Variants in SIMC1 observed in about 807,000 individuals in gnomAD.
The protein encoded by SIMC1 is SUMO-interacting motif-containing protein 1.
A neutral mutation model predicts 82.3 loss-of-function variants in SIMC1; 55 were observed. The ratio of observed to expected loss-of-function variants is 0.67; its 90% CI spans 0.54 to 0.84. The LOEUF is 0.84. SIMC1 is among the 40% of genes least tolerant of loss of function. SIMC1 has a pLI of 0.00. For missense variants in SIMC1, 915 were observed against 1,107.2 expected (o/e 0.83, Z 2.46); for synonymous variants, 353 against 426.3 (o/e 0.83, Z 2.12).
chr5:176,258,740 T>C (rs1297052566), intron 1 of SIMC1, among the ~76,000 whole-genome samples: 1 of 149,272 alleles, frequency 6.7e-6, no homozygotes, highest in Non-Finnish European at 1.5e-5. Context: ...ATCTACATTT[T>C]GAATTTAATA....
chr5:176,289,586 CTT>C (rs1340644859), intron 1 of SIMC1, 66 bp from the exon 2 acceptor site: 14 of 1,268,140 alleles, frequency 1.1e-5, no homozygotes, highest in Non-Finnish European at 1.4e-5. Flanking sequence ...AAAGCTAAGA[CTT>C]AAGTCATCTC....
chr5:176,325,476 G>A (rs1237992678), intron 7 of SIMC1, among the ~76,000 whole-genome samples: 1 of 151,992 alleles, frequency 6.6e-6, no homozygotes, highest in African/African-American at 2.4e-5. Flanking sequence ...ACGAGGTCAG[G>A]AGATCGAGAC....
intron 7 of SIMC1, 76 bp downstream of exon 7, chr5:176,324,833 A>C: frequency 6.8e-7 from 1 of 1,464,738 alleles, no homozygotes; most frequent in Non-Finnish European, 9.1e-7. Context: ...CATTTTTATT[A>C]AATTAACTTT....
chr5:176,343,626 G>GTA (rs1181634255), intron 9 of SIMC1, among the ~76,000 whole-genome samples: 2 of 152,122 alleles, frequency 1.3e-5, no homozygotes, highest in African/African-American at 4.8e-5. Flanking sequence ...ATTGATCCAT[G>GTA]TATATACCAT....
intron 9 of SIMC1, among the ~76,000 whole-genome samples, chr5:176,339,764 T>C (rs1055196064): frequency 3.3e-5 from 5 of 152,230 alleles, no homozygotes; most frequent in African/African-American, 1.2e-4. Context: ...AGTGCTGTTT[T>C]ATCCTTAAAT....
intron 4 of SIMC1, among the ~76,000 whole-genome samples, chr5:176,305,144 G>A (rs1764259164): frequency 7.8e-6 from 1 of 127,840 alleles, no homozygotes; most frequent in African/African-American, 2.7e-5. Flanking sequence ...GGAGGGGGGG[G>A]GGGTCAGCCC....
Position 176,294,722 on chromosome 5 carries a change from G to C in SIMC1, c.1432-308G>C, listed in dbSNP as rs577281911. 1.3e-4 allele frequency among the ~76,000 whole-genome samples: 19 copies of C among 151,798 alleles called. No homozygotes were observed. In the East Asian group the frequency reaches 3.7e-3, roughly 29 times the overall value. On this transcript the variant is annotated intron_variant, in intron 2 of 9. Coordinates refer to ENST00000429602, the MANE Select transcript of SIMC1 (RefSeq NM_001308195.2). ...TCACACCTGTAATCCCAGCACTTTG[G>C]GAGGCTGAGACAGGCAAATCACGAG...
rs118105187 is a variant in SIMC1, at chr5:176,313,126, C to T, written c.1735-565C>T. On this transcript the variant is annotated intron_variant, in intron 4 of 9. Transcript: ENST00000429602. ...AATACCCAACTCAGGCTTGGCCCAACAGTCAAGTTGAGCCAAGCCAACAGA... is the reference window on the plus strand; with the variant it reads ...AATACCCAACTCAGGCTTGGCCCAATAGTCAAGTTGAGCCAAGCCAACAGA... 2.1e-5 allele frequency: 6 copies of T among 287,378 alleles called. No homozygotes were observed. In the East Asian group the frequency reaches 4.3e-4, roughly 21 times the overall value. The allele number at this position is 287,378 out of a possible 1,614,324, so 17.8% of individuals were successfully genotyped here. A position where few individuals can be genotyped will look rare whatever the true frequency, so the allele number is the denominator to read the frequency against.
intron 5 of SIMC1, among the ~76,000 whole-genome samples, chr5:176,317,094 C>G (rs905258919): frequency 1.3e-5 from 2 of 152,082 alleles, no homozygotes; most frequent in African/African-American, 4.8e-5. Context: ...TCATTTGTTT[C>G]AGTTGGCAGG....
intron 1 of SIMC1, among the ~76,000 whole-genome samples, chr5:176,288,938 G>A (rs1324498373): frequency 6.6e-6 from 1 of 152,178 alleles, no homozygotes; most frequent in East Asian, 1.9e-4. Context: ...GAATGGAAGT[G>A]GAGATCGGAA....
In SIMC1 at chr5:176,290,250, CCCA is replaced by C. The variant is rs1561698107; in HGVS notation, c.731_733del (p.Pro244del). 2.5e-6 allele frequency: 4 copies of C among 1,613,122 alleles called. No individual in the cohort carries two copies. Among genetic ancestry groups the C allele is most frequent in the Non-Finnish European group, 3.4e-6 (4 of 1,179,284 alleles). Reference sequence around the variant, plus strand: ...CATGTCCACCACGAGCCTCCTCATGCCCACCACGAGCCTTGTCATGCCCATCAC... The same window carrying C: ...CATGTCCACCACGAGCCTCCTCATGCCCACGAGCCTTGTCATGCCCATCAC... On this transcript the variant is annotated inframe_deletion, in exon 2 of 10. Transcript: ENST00000429602.
chr5:176,249,567 A>G (rs527916920), intron 1 of SIMC1, among the ~76,000 whole-genome samples: 147 of 152,010 alleles, frequency 9.7e-4, no homozygotes, highest in African/African-American at 3.3e-3. Flanking sequence ...CTGGCCAGAC[A>G]TGGTGGCTCA....
chr5:176,284,432 C>G (rs1230200700), intron 1 of SIMC1, among the ~76,000 whole-genome samples: 1 of 151,816 alleles, frequency 6.6e-6, no homozygotes, highest in Non-Finnish European at 1.5e-5. Context: ...TACTGGGGTA[C>G]ATAATGAAAT....
chr5:176,317,642 T>C (rs1214608628), intron 5 of SIMC1, among the ~76,000 whole-genome samples: 2 of 152,216 alleles, frequency 1.3e-5, no homozygotes, highest in African/African-American at 4.8e-5. Flanking sequence ...GTGTTCAGTG[T>C]TTCTATTACT....
At chr5:176,303,941 A>G (rs923473720) in intron 4 of SIMC1, among the ~76,000 whole-genome samples, 4 of 152,218 alleles carry the variant, frequency 2.6e-5, no homozygotes, top group African/African-American at 9.6e-5. Flanking sequence ...ACCCAAATCT[A>G]TAAAATTCAT....
chr5:176,282,011 TTGTC>T (rs901227692), intron 1 of SIMC1, among the ~76,000 whole-genome samples: 19 of 152,204 alleles, frequency 1.2e-4, no homozygotes, highest in African/African-American at 4.3e-4. Context: ...GTCTTTTTGT[TTGTC>T]TGTGCCCTGC....
chr5:176,312,791 A>G (rs1278762886), intron 4 of SIMC1, among the ~76,000 whole-genome samples: 1 of 152,172 alleles, frequency 6.6e-6, no homozygotes, highest in Non-Finnish European at 1.5e-5. Context: ...AGGTTTCCAC[A>G]TAGTCCAGAA....
intron 4 of SIMC1, chr5:176,304,296 T>C (rs1764178568): frequency 1.3e-5 from 2 of 153,852 alleles, no homozygotes; most frequent in African/African-American, 4.9e-5. Context: ...GCAACCTCCC[T>C]GCCTGATTCT....
intron 7 of SIMC1, among the ~76,000 whole-genome samples, chr5:176,330,654 C>A (rs1477924023): frequency 1.3e-5 from 2 of 152,100 alleles, no homozygotes; most frequent in African/African-American, 4.8e-5. Flanking sequence ...AAATAGGAAT[C>A]TGTGATTCCA....
Sources: gnomAD v4.1 joint callset for allele counts (sites outside exome capture counted in the v4.1 genomes callset) on GRCh38, gnomAD v4.1.1 for gene constraint, MANE v1.5 for transcripts, NCBI Gene and HGNC (gene_info 2026-07-23, HGNC 2026-07-21) for gene names.